PIK3CD: variants seen among roughly 807,000 people sequenced by gnomAD.
PIK3CD encodes the protein phosphatidylinositol-4,5-bisphosphate 3-kinase catalytic subunit delta.
Under a neutral mutation model 122.9 loss-of-function variants are expected in PIK3CD, and 20 were observed. That is an observed-to-expected ratio of 0.16 (90% CI 0.11 to 0.24). The LOEUF (loss-of-function observed/expected upper bound fraction) is 0.24, where lower values mean the gene tolerates loss of function less well. Ranked by LOEUF, PIK3CD falls within the 10% of genes least tolerant of loss-of-function variation. PIK3CD has a pLI of 1.00. For missense variants in PIK3CD, 787 were observed against 1,406.3 expected, an observed-to-expected ratio of 0.56 and a Z score of 7.04; for synonymous variants, 596 against 593.4, an observed-to-expected ratio of 1.00 and a Z score of -0.06.
At chr1:9,640,209 G>C in the PIK3CD span, among the ~76,000 whole-genome samples, 2 of 151,882 alleles carry the variant, frequency 1.3e-5, no homozygotes, top group South Asian at 4.2e-4. Flanking sequence ...TCATCTGTCC[G>C]TTTCTTGCCC....
the PIK3CD span, among the ~76,000 whole-genome samples, chr1:9,630,494 C>A: frequency 6.6e-6 from 1 of 152,204 alleles, no homozygotes; most frequent in African/African-American, 2.4e-5. Flanking sequence ...GTGCCAGACA[C>A]AGGGGAGCAG....
intron 3 of PIK3CD, among the ~76,000 whole-genome samples, chr1:9,711,489 C>T (rs1647050655): frequency 6.6e-6 from 1 of 152,156 alleles, no homozygotes; most frequent in African/African-American, 2.4e-5. Context: ...TGTATGTTTC[C>T]CTCTACTCAG....
chr1:9,701,112 A>G (rs1357400583), intron 2 of PIK3CD, among the ~76,000 whole-genome samples: 1 of 152,026 alleles, frequency 6.6e-6, no homozygotes, highest in Admixed American at 6.6e-5. Flanking sequence ...AGGGCTGTCC[A>G]TCCGCTCAGC....
At position 9,724,260 on chromosome 1, in the gene PIK3CD, T is replaced by TCTCCC. The variant is rs750188654; in HGVS notation, c.2719-7_2719-3dup. On this transcript the variant is annotated splice_polypyrimidine_tract_variant and intron_variant, in intron 21 of 23. Transcript: ENST00000377346. This position sits in a 1 kb window ranked among gnomAD's most constrained non-coding sequence, Gnocchi z 7.3. ...GACACCTTCTCAATCCTCCCCCTCC[T>TCTCCC]CTCCCCTCCCCTCAGCTGTTCCACA... The TCTCCC allele has an allele frequency of 1.2e-6, 2 of 1,613,876 alleles. No homozygotes were observed. Among genetic ancestry groups the TCTCCC allele is most frequent in the South Asian group, 1.1e-5 (1 of 91,068 alleles).
intron 2 of PIK3CD, among the ~76,000 whole-genome samples, chr1:9,694,325 G>A (rs1012486626): frequency 2.6e-5 from 4 of 151,970 alleles, no homozygotes; most frequent in African/African-American, 7.2e-5. Flanking sequence ...ACTTAAGGCC[G>A]GAGTTTGAGA....
chr1:9,640,005 G>T, the PIK3CD span, among the ~76,000 whole-genome samples: 1 of 151,928 alleles, frequency 6.6e-6, no homozygotes, highest in Non-Finnish European at 1.5e-5. Context: ...TCCTCCCAAA[G>T]TGCTAGGATT....
chr1:9,653,901 G>A (rs1644755777), intron 1 of PIK3CD: 3 of 1,367,178 alleles, frequency 2.2e-6, no homozygotes, highest in Non-Finnish European at 2.9e-6. Flanking sequence ...TGGGCTGGAG[G>A]AGTGCTCTTA....
the PIK3CD span, among the ~76,000 whole-genome samples, chr1:9,645,452 A>AT: frequency 1.3e-5 from 2 of 151,002 alleles, no homozygotes; most frequent in East Asian, 2.0e-4. Context: ...ATTTTATTTT[A>AT]TTTATTTATT....
chr1:9,675,385 C>CAAAAA (rs34447888), intron 1 of PIK3CD, among the ~76,000 whole-genome samples: 1 of 59,470 alleles, frequency 1.7e-5, no homozygotes, highest in Non-Finnish European at 3.8e-5. Flanking sequence ...GACTCCGTCT[C>CAAAAA]AAAAAAAAAA....
rs531943509 is a variant in PIK3CD at position 9,714,500 on chromosome 1, G to T, written c.142-1041G>T. ...ATGTTAATTGATATGTTTATTAGGGGTTTTTTTGTTTGTTTTTTAATGGAA... is the reference window on the plus strand; with the variant it reads ...ATGTTAATTGATATGTTTATTAGGGTTTTTTTTGTTTGTTTTTTAATGGAA... On this transcript the variant is annotated intron_variant, in intron 3 of 23. Transcript: ENST00000377346. 1.2e-3 allele frequency among the ~76,000 whole-genome samples: 180 copies of T among 152,226 alleles called. 1 individual carries two copies. The highest frequency in any genetic ancestry group is 4.1e-3 in the African/African-American group (169 of 41,542).
At chr1:9,698,921 C>T (rs1344279043) in intron 2 of PIK3CD, among the ~76,000 whole-genome samples, 1 of 152,068 alleles carries the variant, frequency 6.6e-6, no homozygotes, top group African/African-American at 2.4e-5. Context: ...GGTATGGTGG[C>T]TCATGCTTGT....
intron 14 of PIK3CD, 63 bp from the exon 15 acceptor site, chr1:9,721,381 G>T: frequency 6.2e-7 from 1 of 1,609,844 alleles, no homozygotes. Context: ...TCTGGCTGCC[G>T]AGGGAGCTCC....
chr1:9,707,073 A>G (rs1016323173), intron 2 of PIK3CD, among the ~76,000 whole-genome samples: 1 of 149,670 alleles, frequency 6.7e-6, no homozygotes, highest in Non-Finnish European at 1.5e-5. Flanking sequence ...TTGGCCTCCT[A>G]AAGCACTGGG....
In PIK3CD at chr1:9,722,099, C is replaced by T. The variant is rs762689558; in HGVS notation, c.2180C>T (p.Ala727Val). The T allele has an allele frequency of 3.7e-6, 6 of 1,613,414 alleles. No individual in the cohort carries two copies. The highest frequency in any genetic ancestry group is 5.1e-6 in the Non-Finnish European group (6 of 1,179,976). Residue 727 changes from alanine to valine, a missense_variant, in exon 17 of 24, where the codon GCC (alanine) becomes GTC (valine). Ala to Val is a moderately conservative substitution (Grantham distance 64). Coordinates refer to ENST00000377346, the MANE Select transcript of PIK3CD (RefSeq NM_005026.5). The surrounding 1 kb of genome is among the most constrained non-coding windows in gnomAD (Gnocchi z 7.6). The stretch of plus-strand genomic sequence containing the variant: ...ATGCGGCAGGAGGCCTACCTAGAGG[C>T]CCTCTCCCACCTGCAGTCCCCACTC... ...LCMRQEAYLE[A>V]LSHLQSPLDP... is the part of the protein sequence containing the mutation.
chr1:9,717,636 CTGGGATAGG>C lies in PIK3CD; in HGVS notation c.1020+16_1020+24del. 6.2e-7 allele frequency: 1 copy of C among 1,613,266 alleles called. No individual in the cohort carries two copies. Among genetic ancestry groups the C allele is most frequent in the Non-Finnish European group, 8.5e-7 (1 of 1,179,302 alleles). On this transcript the variant is annotated intron_variant, in intron 8 of 23. Coordinates refer to ENST00000377346, the MANE Select transcript of PIK3CD (RefSeq NM_005026.5). This position sits in a 1 kb window ranked among gnomAD's most constrained non-coding sequence, Gnocchi z 5.4. ...CGACGAGCGGATGAAGGTGGGGCTC[CTGGGATAGG>C]TGGGAGAGACACTGTTTTTTTGCAC...
Position 9,710,117 on chromosome 1 carries a change from A to G in PIK3CD, c.-32-307A>G, listed in dbSNP as rs914340450. 1.1e-5 allele frequency: 4 copies of G among 375,686 alleles called. No individual in the cohort carries two copies. Among genetic ancestry groups the G allele is most frequent in the Admixed American group, 7.4e-5 (2 of 27,074 alleles). The allele number at this position is 375,686 out of a possible 1,614,324, so 23.3% of individuals were successfully genotyped here. A position where few individuals can be genotyped will look rare whatever the true frequency, so the allele number is the denominator to read the frequency against. ...CCTTCTGTGCCAGCTGGTGGCCATG[A>G]CTGGCTTTCGTGGATGTGTATGTTC... On this transcript the variant is annotated intron_variant, in intron 2 of 23. Transcript: ENST00000377346. This position sits in a 1 kb window ranked among gnomAD's most constrained non-coding sequence, Gnocchi z 4.7.
At position 9,715,580 on chromosome 1, in the gene PIK3CD, A is replaced by G. The variant is rs1057524823; in HGVS notation, c.181A>G (p.Met61Val). ...CGCCCAGTATGAGCCGCTCTTCCAC[A>G]TGCTCAGTGGCCCCGAGGCCTATGT... ...HRAQYEPLFH[M>V]LSGPEAYVFT... is the part of the protein sequence containing the mutation. Residue 61 changes from methionine to valine, a missense_variant, in exon 4 of 24, where the codon ATG (methionine) becomes GTG (valine). Met to Val is a conservative substitution (Grantham distance 21). Transcript: ENST00000377346. This position sits in a 1 kb window ranked among gnomAD's most constrained non-coding sequence, Gnocchi z 4.1. The G allele has an allele frequency of 1.2e-6, 2 of 1,613,732 alleles. No individual in the cohort carries two copies. Among genetic ancestry groups the G allele is most frequent in the Non-Finnish European group, 1.7e-6 (2 of 1,180,026 alleles).
chr1:9,627,598 T>G, the PIK3CD span, among the ~76,000 whole-genome samples: 1 of 152,230 alleles, frequency 6.6e-6, no homozygotes, highest in Non-Finnish European at 1.5e-5. Context: ...GTGTACTGAG[T>G]TCTCATCCAG....
chr1:9,706,428 G>C (rs1043900259), intron 2 of PIK3CD, among the ~76,000 whole-genome samples: 2 of 152,030 alleles, frequency 1.3e-5, no homozygotes, highest in African/African-American at 4.8e-5. Flanking sequence ...AGGAGTTGGA[G>C]GGTGCAGTGA....
Sources: gnomAD v4.1 joint callset for allele counts (sites outside exome capture counted in the v4.1 genomes callset) on GRCh38, gnomAD v4.1.1 for gene constraint, Gnocchi (gnomAD v3.1) non-coding constraint, MANE v1.5 for transcripts, NCBI Gene and HGNC (gene_info 2026-07-23, HGNC 2026-07-21) for gene names.